Variants in AGPS observed in about 807,000 individuals in gnomAD.
AGPS encodes the protein alkyldihydroxyacetonephosphate synthase, peroxisomal.
Under a neutral mutation model 90.7 loss-of-function variants are expected in AGPS, and 26 were observed. The ratio of observed to expected loss-of-function variants is 0.29; its 90% CI spans 0.21 to 0.40. The LOEUF is 0.40. Among genes scored for constraint, AGPS ranks in the 10% least tolerant of loss-of-function variants. The pLI is 1.00. For missense variants in AGPS, 540 were observed against 816.1 expected (o/e 0.66, Z 4.12); for synonymous variants, 294 against 285.3 (o/e 1.03, Z -0.31).
intron 11 of AGPS, among the ~76,000 whole-genome samples, chr2:177,491,233 C>A (rs968606127): frequency 6.0e-5 from 9 of 150,818 alleles, no homozygotes; most frequent in African/African-American, 2.2e-4. Flanking sequence ...TTCTTTATAA[C>A]TACAATACCA....
At chr2:177,452,451 G>T (rs886592513) in intron 8 of AGPS, among the ~76,000 whole-genome samples, 1 of 152,120 alleles carries the variant, frequency 6.6e-6, no homozygotes, top group Non-Finnish European at 1.5e-5. Context: ...GTGATAACAT[G>T]CTTTGCTCTG....
Position 177,489,227 on chromosome 2 carries a change from G to A in AGPS, c.1234-3921G>A, listed in dbSNP as rs140439744. Among the ~76,000 whole-genome samples, 935 of 151,956 alleles carry A rather than the reference G, an allele frequency of 6.2e-3. 11 individuals are homozygous for A. Among genetic ancestry groups the A allele is most frequent in the African/African-American group, 0.021 (886 of 41,434 alleles). On this transcript the variant is annotated intron_variant, in intron 11 of 19. Coordinates refer to ENST00000264167, the MANE Select transcript of AGPS (RefSeq NM_003659.4). ...AGCCTCCCCAGTAGCTGGGACTACA[G>A]GCGCCTGCCACCACACCAGACTAAT...
intron 5 of AGPS, 100 bp downstream of exon 5, chr2:177,437,154 A>G: frequency 8.8e-7 from 1 of 1,130,372 alleles, no homozygotes; most frequent in Non-Finnish European, 1.3e-6. Flanking sequence ...GTTGTAAAAA[A>G]TATAAATTGC....
chr2:177,491,772 C>T (rs80018498), intron 11 of AGPS, among the ~76,000 whole-genome samples: 4 of 111,234 alleles, frequency 3.6e-5, no homozygotes, highest in Non-Finnish European at 5.4e-5. Flanking sequence ...CCCCCCCCCC[C>T]CTTTTTTTTC....
chr2:177,510,270 A>G (rs1481507408), intron 16 of AGPS, among the ~76,000 whole-genome samples: 1 of 152,114 alleles, frequency 6.6e-6, no homozygotes, highest in Admixed American at 6.6e-5. Flanking sequence ...TCTTAGTAAT[A>G]CCTGCACCTG....
intron 14 of AGPS, among the ~76,000 whole-genome samples, chr2:177,500,287 A>G (rs1288007765): frequency 6.6e-6 from 1 of 152,016 alleles, no homozygotes; most frequent in Non-Finnish European, 1.5e-5. Flanking sequence ...TTCTTGATGG[A>G]TTATAAGACT....
intron 10 of AGPS, among the ~76,000 whole-genome samples, chr2:177,471,875 A>G (rs1203129992): frequency 6.6e-6 from 1 of 152,076 alleles, no homozygotes; most frequent in Non-Finnish European, 1.5e-5. Flanking sequence ...ACTTTGTTTT[A>G]TATATTATTT....
chr2:177,507,917 G>T, intron 15 of AGPS, 53 bp from the exon 16 acceptor site: 1 of 1,216,274 alleles, frequency 8.2e-7, no homozygotes, highest in South Asian at 1.2e-5. Context: ...CAGTGTTATT[G>T]ATTCTTCTGC....
In AGPS at chr2:177,434,401, A is replaced by C. The variant is rs144836649; in HGVS notation, c.425A>C (p.His142Pro). The stretch of plus-strand genomic sequence containing the variant: ...AATACCCTTGGAGTAAATGTGGAGC[A>C]TAAAACTACCTCTAAAGTAAGCAAA... ...IQNTLGVNVE[H>P]KTTSKASLNP... Residue 142 changes from histidine to proline, a missense_variant, in exon 3 of 20, where the codon CAT becomes CCT. By Grantham distance (77) the His-to-Pro change is moderately conservative. Coordinates refer to ENST00000264167, the MANE Select transcript of AGPS (RefSeq NM_003659.4). The C allele has an allele frequency of 6.2e-7, 1 of 1,612,070 alleles. No homozygotes were observed. The highest frequency in any genetic ancestry group is 8.5e-7 in the Non-Finnish European group (1 of 1,178,756).
chr2:177,489,845 A>G (rs1688197964), intron 11 of AGPS, among the ~76,000 whole-genome samples: 1 of 152,226 alleles, frequency 6.6e-6, no homozygotes, highest in South Asian at 2.1e-4. Flanking sequence ...TTAACCCATC[A>G]TTAAAATTTG....
At chr2:177,496,461 A>G (rs1448399385) in intron 12 of AGPS, among the ~76,000 whole-genome samples, 4 of 152,172 alleles carry the variant, frequency 2.6e-5, no homozygotes, top group Non-Finnish European at 5.9e-5. Flanking sequence ...TAGTTATACT[A>G]GGAAGCATCT....
intron 8 of AGPS, among the ~76,000 whole-genome samples, chr2:177,455,169 T>G (rs1687075275): frequency 1.3e-5 from 2 of 152,190 alleles, no homozygotes; most frequent in African/African-American, 4.8e-5. Flanking sequence ...TCACTTGCAT[T>G]TACTTTTCAG....
At chr2:177,409,917 T>G (rs1261043298) in intron 1 of AGPS, among the ~76,000 whole-genome samples, 2 of 152,232 alleles carry the variant, frequency 1.3e-5, no homozygotes, top group African/African-American at 4.8e-5. Context: ...TCACAGGCCC[T>G]GACTATCTGC....
At chr2:177,400,568 C>T (rs561702615) in intron 1 of AGPS, among the ~76,000 whole-genome samples, 2 of 152,262 alleles carry the variant, frequency 1.3e-5, no homozygotes, top group East Asian at 3.9e-4. Flanking sequence ...AGAGTTTTGC[C>T]TCCTGGGTGA....
intron 8 of AGPS, among the ~76,000 whole-genome samples, chr2:177,453,266 C>A (rs1687004773): frequency 6.7e-6 from 1 of 150,344 alleles, no homozygotes; most frequent in African/African-American, 2.4e-5. Context: ...CCCCCTCTGG[C>A]TACTTTTTTT....
At chr2:177,393,591 T>C (rs1685086477) in intron 1 of AGPS, 1 of 984,754 alleles carries the variant, frequency 1.0e-6, no homozygotes, top group Non-Finnish European at 1.2e-6. Flanking sequence ...AGGAAACCGA[T>C]GAATGGTAAG....
rs139721690 is a variant in AGPS, at chr2:177,470,741, T to A, written c.1105+2217T>A. On this transcript the variant is annotated intron_variant, in intron 10 of 19. Coordinates refer to ENST00000264167, the MANE Select transcript of AGPS (RefSeq NM_003659.4). ...AAAAAAAAAAGAAAAAAAAAAGAAA[T>A]ATTTAAAATTTATGAGTCTAAATTA... Among the ~76,000 whole-genome samples the A allele has an allele frequency of 4.2e-3, 613 of 144,732 alleles. 6 individuals are homozygous for A. Among genetic ancestry groups the A allele is most frequent in the East Asian group, 0.034 (170 of 4,964 alleles). 94.9% of individuals were successfully genotyped at this position (144,732 alleles called of 152,430 possible). A position where few individuals can be genotyped will look rare whatever the true frequency, so the allele number is the denominator to read the frequency against.
At chr2:177,467,372 TAC>T (rs2105674059) in intron 9 of AGPS, among the ~76,000 whole-genome samples, 1 of 152,344 alleles carries the variant, frequency 6.6e-6, no homozygotes, top group East Asian at 1.9e-4. Flanking sequence ...ATTTCAGAAT[TAC>T]AGAAAATAAA....
chr2:177,507,177 A>AT (rs1296864081), intron 15 of AGPS, among the ~76,000 whole-genome samples: 3 of 151,794 alleles, frequency 2.0e-5, no homozygotes, highest in East Asian at 1.9e-4. Context: ...TAATTTGGGG[A>AT]TTTTTTTGTT....
Sources: allele counts gnomAD v4.1 joint callset (sites outside exome capture counted in the v4.1 genomes callset), GRCh38; gene constraint gnomAD v4.1.1; transcripts MANE v1.5; gene names NCBI Gene and HGNC (gene_info 2026-07-23, HGNC 2026-07-21).